The following ARHGAP19 variants were observed in gnomAD, a reference collection of about 807,000 sequenced individuals.
ARHGAP19 encodes the protein Rho GTPase activating protein 19.
In ARHGAP19, 48 loss-of-function variants were observed where a neutral mutation model predicts 60.9. The ratio of observed to expected loss-of-function variants is 0.79; its 90% confidence interval spans 0.62 to 1.00. The LOEUF (loss-of-function observed/expected upper bound fraction) is 1.00. Among genes scored for constraint, ARHGAP19 ranks in the 50% least tolerant of loss-of-function variants. The pLI, the probability that ARHGAP19 is intolerant of heterozygous loss-of-function variation, is 0.00. For synonymous variants in ARHGAP19, 209 were observed against 215.5 expected (o/e 0.97, Z 0.27); for missense variants, 562 against 597.2 (o/e 0.94, Z 0.61).
intron 1 of ARHGAP19, among the ~76,000 whole-genome samples, chr10:97,282,348 G>C (rs1843095564): frequency 6.6e-6 from 1 of 152,110 alleles, no homozygotes; most frequent in African/African-American, 2.4e-5. Context: ...CAAATACAGA[G>C]GAAACCAGAT....
intron 2 of ARHGAP19, 176 bp downstream of exon 2, chr10:97,265,684 G>T: frequency 3.0e-6 from 2 of 666,482 alleles, no homozygotes; most frequent in Non-Finnish European, 4.9e-6. Flanking sequence ...TATTTATCTA[G>T]ACAGTTTTTA....
intron 1 of ARHGAP19, among the ~76,000 whole-genome samples, chr10:97,285,517 TG>T (rs1843143214): frequency 6.8e-6 from 1 of 147,338 alleles, no homozygotes; most frequent in Non-Finnish European, 1.5e-5. Flanking sequence ...TTTTTTTTTT[TG>T]CTTTTTTTTT....
At chr10:97,245,535 C>G (rs899382665) in intron 7 of ARHGAP19, among the ~76,000 whole-genome samples, 4 of 146,990 alleles carry the variant, frequency 2.7e-5, no homozygotes, top group Admixed American at 2.1e-4. Flanking sequence ...GGTGAGAGAA[C>G]CAGGGAGCCA....
At chr10:97,232,154 ATTTTTTTT>A (rs1170639718) in intron 9 of ARHGAP19, among the ~76,000 whole-genome samples, 2 of 56,302 alleles carry the variant, frequency 3.6e-5, no homozygotes, top group African/African-American at 8.0e-5. Flanking sequence ...TTTGCTCACT[ATTTTTTTT>A]TTTTTTTTTT....
chr10:97,257,575 T>C (rs1276829342), intron 5 of ARHGAP19, among the ~76,000 whole-genome samples: 1 of 152,056 alleles, frequency 6.6e-6, no homozygotes, highest in Non-Finnish European at 1.5e-5. Context: ...CAAAGTGCTG[T>C]GATTACAGGC....
At chr10:97,281,644 T>G (rs1424503892) in intron 1 of ARHGAP19, among the ~76,000 whole-genome samples, 2 of 152,182 alleles carry the variant, frequency 1.3e-5, no homozygotes, top group Non-Finnish European at 2.9e-5. Context: ...AAGGTAAGTC[T>G]CTGGCCTCCA....
At position 97,229,242 on chromosome 10, in the gene ARHGAP19, G is replaced by A. The variant is rs57251887; in HGVS notation, c.1396-17C>T. ...AGAAAATAACTGTAATAAGAAAATT[G>A]TACAGTGGTTTCAATGTTCTAATGC... On this transcript the variant is annotated splice_polypyrimidine_tract_variant and intron_variant, in intron 10 of 11. Transcript: ENST00000358531. 4.6e-3 allele frequency: 7,402 copies of A among 1,596,992 alleles called. 275 individuals are homozygous for A. In the African/African-American group the frequency reaches 0.087, roughly 19 times the overall value.
intron 6 of ARHGAP19, among the ~76,000 whole-genome samples, chr10:97,252,202 G>T (rs899323017): frequency 2.0e-5 from 3 of 152,010 alleles, no homozygotes; most frequent in African/African-American, 7.3e-5. Context: ...AACTAGCCAG[G>T]TGTGGTGGCA....
chr10:97,267,788 C>A (rs1480239542), intron 1 of ARHGAP19, among the ~76,000 whole-genome samples: 1 of 152,236 alleles, frequency 6.6e-6, no homozygotes, highest in Non-Finnish European at 1.5e-5. Context: ...ACCCAGGGCA[C>A]CAAGTCCAGG....
intron 9 of ARHGAP19, among the ~76,000 whole-genome samples, chr10:97,233,466 A>G (rs115645895): frequency 0.015 from 2,309 of 152,316 alleles, 47 homozygotes; most frequent in African/African-American, 0.051. Context: ...TAACAAAGTA[A>G]TTTTTAAAAG....
At chr10:97,270,679 G>T in intron 1 of ARHGAP19, 1 of 1,544,096 alleles carries the variant, frequency 6.5e-7, no homozygotes, top group Non-Finnish European at 8.7e-7. Flanking sequence ...CTTGTTTGTT[G>T]TGACAAAGAA....
At chr10:97,280,087 A>G (rs1256114496) in intron 1 of ARHGAP19, among the ~76,000 whole-genome samples, 1 of 152,094 alleles carries the variant, frequency 6.6e-6, no homozygotes, top group Non-Finnish European at 1.5e-5. Context: ...CTAGTGTACA[A>G]TGGGAAGAAA....
At chr10:97,278,993 T>C (rs1482001436) in intron 1 of ARHGAP19, among the ~76,000 whole-genome samples, 1 of 152,208 alleles carries the variant, frequency 6.6e-6, no homozygotes, top group Non-Finnish European at 1.5e-5. Flanking sequence ...CTAAATCTGA[T>C]TTACCACCCT....
At chr10:97,232,696 T>C (rs959413416) in intron 9 of ARHGAP19, among the ~76,000 whole-genome samples, 9 of 152,020 alleles carry the variant, frequency 5.9e-5, no homozygotes, top group Non-Finnish European at 1.3e-4. Flanking sequence ...TAGATATCTA[T>C]AAATTATAAC....
chr10:97,234,449 C>T (rs897847333), intron 9 of ARHGAP19, among the ~76,000 whole-genome samples: 2 of 143,820 alleles, frequency 1.4e-5, no homozygotes, highest in African/African-American at 2.6e-5. Context: ...ATACTCAGTG[C>T]TTTTGGGGCA....
intron 11 of ARHGAP19, among the ~76,000 whole-genome samples, chr10:97,227,245 G>A (rs1850914292): frequency 6.6e-6 from 1 of 152,228 alleles, no homozygotes; most frequent in South Asian, 2.1e-4. Context: ...CAAAAAATCT[G>A]AGGTTGTATA....
intron 6 of ARHGAP19, among the ~76,000 whole-genome samples, chr10:97,255,018 A>G (rs2134868624): frequency 6.6e-6 from 1 of 152,308 alleles, no homozygotes; most frequent in East Asian, 1.9e-4. Context: ...AGAGTAGTCA[A>G]ATTCATAGAG....
At chr10:97,249,766 G>A (rs1004991531) in intron 6 of ARHGAP19, among the ~76,000 whole-genome samples, 2 of 149,264 alleles carry the variant, frequency 1.3e-5, no homozygotes, top group Non-Finnish European at 3.0e-5. Context: ...ATTCTTTTTA[G>A]TTTCTTAGAT....
chr10:97,226,765 A>G (rs1233087191), intron 11 of ARHGAP19, among the ~76,000 whole-genome samples: 1 of 152,272 alleles, frequency 6.6e-6, no homozygotes, highest in African/African-American at 2.4e-5. Context: ...TTTTTGTAGC[A>G]TTAATAAGTT....
Sources: allele counts gnomAD v4.1 joint callset (sites outside exome capture counted in the v4.1 genomes callset), GRCh38; gene constraint gnomAD v4.1.1; transcripts MANE v1.5; gene names NCBI Gene and HGNC (gene_info 2026-07-23, HGNC 2026-07-21).